DRC11: variants seen among roughly 807,000 people sequenced by gnomAD.
DRC11 encodes dynein regulatory complex subunit 11.
At chr2:236,439,057 G>A in the DRC11 span, among the ~76,000 whole-genome samples, 1 of 150,310 alleles carries the variant, frequency 6.7e-6, no homozygotes, top group Admixed American at 6.7e-5. Context: ...TCTCTGGGAC[G>A]CATTCAAAGC....
At chr2:236,408,901 C>A in the DRC11 span, 1 of 660,532 alleles carries the variant, frequency 1.5e-6, no homozygotes, top group South Asian at 1.5e-5. This position sits in a 1 kb window ranked among gnomAD's most constrained non-coding sequence, Gnocchi z 5.5. Flanking sequence ...AGCCTGTTGA[C>A]TTCTTGCACG....
chr2:236,479,420 C>CT, the DRC11 span, among the ~76,000 whole-genome samples: 1 of 151,936 alleles, frequency 6.6e-6, no homozygotes, highest in African/African-American at 2.4e-5. The surrounding 1 kb of genome is among the most constrained non-coding windows in gnomAD (Gnocchi z 4.1). Flanking sequence ...TTCTTCCTTT[C>CT]TTATACTCTT....
the DRC11 span, chr2:236,344,488 G>A: frequency 9.7e-7 from 1 of 1,033,970 alleles, no homozygotes; most frequent in Non-Finnish European, 1.5e-6. Flanking sequence ...AAAAAGTAGA[G>A]GTAGGCCTTG....
chr2:236,338,083 G>A, the DRC11 span: 23 of 873,224 alleles, frequency 2.6e-5, 1 homozygote, highest in Middle Eastern at 2.1e-3. Context: ...ACACCCCACC[G>A]GGTGCAGGCT....
At chr2:236,491,163 A>ATATATATATATATATATACACACAG in the DRC11 span, among the ~76,000 whole-genome samples, 18 of 75,050 alleles carry the variant, frequency 2.4e-4, no homozygotes, top group African/African-American at 7.3e-5. Flanking sequence ...CACACAGTAT[A>ATATATATATATATATATACACACAG]TATATATATA....
chr2:236,492,970 G>A, the DRC11 span, among the ~76,000 whole-genome samples: 1 of 152,234 alleles, frequency 6.6e-6, no homozygotes, highest in Non-Finnish European at 1.5e-5. Flanking sequence ...GTCCATTCAA[G>A]GTGATCCAAG....
At chr2:236,365,983 C>A in the DRC11 span, among the ~76,000 whole-genome samples, 1 of 152,142 alleles carries the variant, frequency 6.6e-6, no homozygotes, top group African/African-American at 2.4e-5. This position sits in a 1 kb window ranked among gnomAD's most constrained non-coding sequence, Gnocchi z 7.4. Context: ...TAGCCCCTTC[C>A]TAGCCCTGTG....
chr2:236,357,304 T>C, the DRC11 span, among the ~76,000 whole-genome samples: 1 of 119,228 alleles, frequency 8.4e-6, no homozygotes, highest in Non-Finnish European at 1.6e-5. Context: ...TATATATTCA[T>C]ATAGATCTAT....
the DRC11 span, among the ~76,000 whole-genome samples, chr2:236,385,832 TC>T: frequency 4.2e-5 from 1 of 24,028 alleles, no homozygotes. Context: ...TTGAAATACG[TC>T]CCATCAATAC....
At chr2:236,395,475 ACT>A in the DRC11 span, among the ~76,000 whole-genome samples, 1 of 152,024 alleles carries the variant, frequency 6.6e-6, no homozygotes, top group Non-Finnish European at 1.5e-5. Context: ...TTTGCTCTGC[ACT>A]CCCTTAGATT....
the DRC11 span, among the ~76,000 whole-genome samples, chr2:236,349,299 C>T: frequency 2.0e-5 from 3 of 152,130 alleles, no homozygotes; most frequent in African/African-American, 7.2e-5. The surrounding 1 kb of genome is among the most constrained non-coding windows in gnomAD (Gnocchi z 5.5). Flanking sequence ...AAGTCAAAAG[C>T]TTCCCTACTT....
the DRC11 span, among the ~76,000 whole-genome samples, chr2:236,460,880 G>C: frequency 1.3e-5 from 2 of 151,986 alleles, no homozygotes; most frequent in Non-Finnish European, 2.9e-5. The surrounding 1 kb of genome is among the most constrained non-coding windows in gnomAD (Gnocchi z 4.0). Context: ...TCAACCTCCC[G>C]AGTAGCTGGG....
chr2:236,391,140 C>T, the DRC11 span: 4 of 152,196 alleles, frequency 2.6e-5, no homozygotes, highest in Non-Finnish European at 5.9e-5. The surrounding 1 kb of genome is among the most constrained non-coding windows in gnomAD (Gnocchi z 4.5). Context: ...TTTCAGCTTA[C>T]AGTGAAAGAT....
the DRC11 span, among the ~76,000 whole-genome samples, chr2:236,471,288 T>TA: frequency 0.19 from 29,265 of 150,636 alleles, 3,042 homozygotes; most frequent in Middle Eastern, 0.27. This position sits in a 1 kb window ranked among gnomAD's most constrained non-coding sequence, Gnocchi z 4.6. Context: ...TCCTCTGACT[T>TA]AAAAAAAAAC....
chr2:236,426,946 T>C, the DRC11 span, among the ~76,000 whole-genome samples: 1 of 152,216 alleles, frequency 6.6e-6, no homozygotes, highest in African/African-American at 2.4e-5. The surrounding 1 kb of genome is among the most constrained non-coding windows in gnomAD (Gnocchi z 4.1). Flanking sequence ...TTTATCGTGT[T>C]AAGTTCCTTC....
At chr2:236,359,384 G>C in the DRC11 span, among the ~76,000 whole-genome samples, 4 of 152,114 alleles carry the variant, frequency 2.6e-5, no homozygotes, top group Non-Finnish European at 5.9e-5. The surrounding 1 kb of genome is among the most constrained non-coding windows in gnomAD (Gnocchi z 4.3). Context: ...ATTTACAGTT[G>C]TGAAACAAAT....
the DRC11 span, among the ~76,000 whole-genome samples, chr2:236,421,313 C>G: frequency 4.5e-4 from 68 of 151,854 alleles, no homozygotes; most frequent in African/African-American, 1.5e-3. Flanking sequence ...AGACTGCTAG[C>G]AAGACTAATA....
the DRC11 span, among the ~76,000 whole-genome samples, chr2:236,437,187 C>T: frequency 7.1e-4 from 101 of 143,176 alleles, no homozygotes; most frequent in Admixed American, 2.0e-3. Context: ...TGAGAATATG[C>T]GGTGTTTGGT....
chr2:236,437,789 G>A, the DRC11 span, among the ~76,000 whole-genome samples: 28 of 152,064 alleles, frequency 1.8e-4, no homozygotes, highest in Admixed American at 9.2e-4. Context: ...TGATGGGGTC[G>A]TTTGTTTTTT....
Sources: allele counts gnomAD v4.1 joint callset (sites outside exome capture counted in the v4.1 genomes callset), GRCh38; gene constraint gnomAD v4.1.1; non-coding constraint Gnocchi (gnomAD v3.1); transcripts MANE v1.5; gene names NCBI Gene and HGNC (gene_info 2026-07-23, HGNC 2026-07-21).